ATP2B1: variants seen among roughly 807,000 people sequenced by gnomAD.
The protein encoded by ATP2B1 is plasma membrane calcium-transporting ATPase 1.
In ATP2B1, 14 loss-of-function variants were observed where a neutral mutation model predicts 124.2. The ratio of observed to expected loss-of-function variants is 0.11; its 90% CI spans 0.07 to 0.18. The LOEUF (loss-of-function observed/expected upper bound fraction) is 0.18, where lower values mean the gene tolerates loss of function less well. Among genes scored for constraint, ATP2B1 ranks in the 10% least tolerant of loss-of-function variants. The probability of loss-of-function intolerance (pLI) is 1.00; values close to 1 mark genes in which losing one functional copy is unlikely to be tolerated. For synonymous variants in ATP2B1, 449 were observed against 492.4 expected, an observed-to-expected ratio of 0.91 and a Z score of 1.17; for missense variants, 763 against 1,466.1, an observed-to-expected ratio of 0.52 and a Z score of 7.83.
intron 2 of ATP2B1, among the ~76,000 whole-genome samples, chr12:89,647,813 T>A (rs1884700091): frequency 6.6e-6 from 1 of 152,164 alleles, no homozygotes; most frequent in Admixed American, 6.5e-5. Context: ...TGGTTCAGCA[T>A]CATCCCCTTG....
In ATP2B1 at chr12:89,591,176, A is replaced by C. The variant is rs1167399411; in HGVS notation, c.3471T>G (p.Pro1157=). The change falls in exon 21 of 21, where the codon CCT becomes CCG. Residue 1157 remains proline, a synonymous_variant. Transcript: ENST00000428670. ...CAGTGTCATCAATAAGGGGGATATG[A>C]GGCTCTGAATCTTCTATCCTAAACT... ...HPEFRIEDSE[P]HIPLIDDTDA... is the part of the protein sequence containing the mutation. 6.2e-6 allele frequency: 10 copies of C among 1,613,206 alleles called. No homozygotes were observed. Among genetic ancestry groups the C allele is most frequent in the Non-Finnish European group, 8.5e-6 (10 of 1,179,414 alleles).
At chr12:89,646,781 A>G (rs1884510923) in intron 2 of ATP2B1, among the ~76,000 whole-genome samples, 1 of 152,238 alleles carries the variant, frequency 6.6e-6, no homozygotes, top group South Asian at 2.1e-4. Flanking sequence ...AGTGTGATCC[A>G]GTGGGCAGAA....
chr12:89,592,611 T>C (rs1873797977), intron 20 of ATP2B1, among the ~76,000 whole-genome samples: 1 of 152,022 alleles, frequency 6.6e-6, no homozygotes, highest in Admixed American at 6.6e-5. Context: ...AACTGAGAAA[T>C]ACAAAAGCAA....
intron 2 of ATP2B1, among the ~76,000 whole-genome samples, chr12:89,644,072 C>A (rs10777188): frequency 0.96 from 145,789 of 152,286 alleles, 69,827 homozygotes; most frequent in East Asian, 0.99. Flanking sequence ...CAGTGAGCCA[C>A]GATCACACCA....
At chr12:89,661,054 ATCT>A (rs1404937326) in intron 1 of ATP2B1, among the ~76,000 whole-genome samples, 1 of 152,172 alleles carries the variant, frequency 6.6e-6, no homozygotes, top group Non-Finnish European at 1.5e-5. Context: ...TTAAAAAAAA[ATCT>A]TCTAAAGATA....
intron 1 of ATP2B1, among the ~76,000 whole-genome samples, chr12:89,682,775 G>A (rs957011494): frequency 6.6e-6 from 1 of 152,106 alleles, no homozygotes; most frequent in African/African-American, 2.4e-5. Context: ...CTCTGTAATC[G>A]GAGTACAGGG....
intron 3 of ATP2B1, among the ~76,000 whole-genome samples, chr12:89,641,383 G>A (rs1257248233): frequency 6.6e-6 from 1 of 152,146 alleles, no homozygotes; most frequent in Non-Finnish European, 1.5e-5. Flanking sequence ...GGCCAAAAAT[G>A]TTTTAATTTT....
upstream of ATP2B1, chr12:89,709,162 T>A (rs1427853198): frequency 2.6e-5 from 4 of 151,040 alleles, no homozygotes; most frequent in African/African-American, 9.7e-5. Flanking sequence ...AGGGACCCCG[T>A]CTGCACCGGG....
At chr12:89,697,876 A>G (rs1891351521) in intron 1 of ATP2B1, among the ~76,000 whole-genome samples, 1 of 151,900 alleles carries the variant, frequency 6.6e-6, no homozygotes, top group African/African-American at 2.4e-5. Context: ...CTTCATATAT[A>G]TCTTTCCCCC....
Position 89,590,807 on chromosome 12 carries a change from T to G in ATP2B1, c.*177A>C, listed in dbSNP as rs1362396641. ...CCCACCCCCCAAAAAGCACCCTCAG[T>G]CTGGCAGAAAGCTTTGCTTTTTTTT... On this transcript the variant is annotated 3_prime_UTR_variant, in exon 21 of 21. Coordinates refer to ENST00000428670, the MANE Select transcript of ATP2B1 (RefSeq NM_001366521.1). 8.7e-6 allele frequency: 6 copies of G among 691,790 alleles called. No individual in the cohort carries two copies. Among genetic ancestry groups the G allele is most frequent in the Admixed American group, 6.2e-5 (2 of 32,292 alleles). 42.9% of individuals were successfully genotyped at this position (691,790 alleles called of 1,614,324 possible). A position where few individuals can be genotyped will look rare whatever the true frequency, so the allele number is the denominator to read the frequency against.
chr12:89,592,120 G>C (rs2135843923), intron 20 of ATP2B1, among the ~76,000 whole-genome samples: 1 of 151,992 alleles, frequency 6.6e-6, no homozygotes, highest in Non-Finnish European at 1.5e-5. Flanking sequence ...CTTCCTCTCA[G>C]TCTGCTGTAT....
chr12:89,693,745 T>G (rs1339290957), intron 1 of ATP2B1, among the ~76,000 whole-genome samples: 1 of 152,198 alleles, frequency 6.6e-6, no homozygotes, highest in African/African-American at 2.4e-5. Context: ...GTTATCAAAA[T>G]GTATTTAAAA....
At position 89,644,057 on chromosome 12, in the gene ATP2B1, G is replaced by C. The variant is rs545494003; in HGVS notation, c.209-1702C>G. Among the ~76,000 whole-genome samples, 41 of 152,280 alleles carry C rather than the reference G, an allele frequency of 2.7e-4. No individual in the cohort carries two copies. In the South Asian group the frequency reaches 8.5e-3, roughly 32 times the overall value. ...GAATCACTTGAACCCAGGAGGCTGA[G>C]GTTGCAGTGAGCCACGATCACACCA... is the stretch of plus-strand genomic sequence containing the variant. On this transcript the variant is annotated intron_variant, in intron 2 of 20. Coordinates refer to ENST00000428670, the MANE Select transcript of ATP2B1 (RefSeq NM_001366521.1).
At chr12:89,644,007 A>G (rs990329589) in intron 2 of ATP2B1, among the ~76,000 whole-genome samples, 3 of 152,200 alleles carry the variant, frequency 2.0e-5, no homozygotes, top group African/African-American at 4.8e-5. Context: ...CTGTAATCCC[A>G]GCTACTCAGG....
intron 2 of ATP2B1, among the ~76,000 whole-genome samples, chr12:89,645,811 G>A (rs1262241523): frequency 6.6e-6 from 1 of 152,208 alleles, no homozygotes; most frequent in Non-Finnish European, 1.5e-5. Context: ...TCACCTTAAA[G>A]TGCAATGAAA....
In ATP2B1 at chr12:89,689,978, T is replaced by C. The variant is rs572385452; in HGVS notation, c.-222+18618A>G. Among the ~76,000 whole-genome samples the C allele has an allele frequency of 1.8e-4, 27 of 152,218 alleles. No individual in the cohort carries two copies. In the South Asian group the frequency reaches 5.2e-3, roughly 29 times the overall value. On this transcript the variant is annotated intron_variant, in intron 1 of 20. Transcript: ENST00000428670. ...AATTCAACTTTTGAATAAATTCCTATCAATTGCTTTACTTTTCTATAGTTT... is the reference window on the plus strand; with the variant it reads ...AATTCAACTTTTGAATAAATTCCTACCAATTGCTTTACTTTTCTATAGTTT...
chr12:89,646,002 A>G (rs1255749970), intron 2 of ATP2B1, among the ~76,000 whole-genome samples: 1 of 152,194 alleles, frequency 6.6e-6, no homozygotes, highest in Non-Finnish European at 1.5e-5. Flanking sequence ...GAAGGGGATA[A>G]GTGGATTTGC....
chr12:89,615,922 G>A (rs959473882), intron 12 of ATP2B1, among the ~76,000 whole-genome samples: 1 of 137,098 alleles, frequency 7.3e-6, no homozygotes, highest in Non-Finnish European at 1.6e-5. Context: ...GTAATAATAT[G>A]CATACCTCAT....
chr12:89,655,984 T>A lies in ATP2B1; in HGVS notation c.-98A>T, dbSNP rs572093709. The stretch of plus-strand genomic sequence containing the variant: ...GAAAATCTTTTAAGTATGAAAATCT[T>A]TCTTAAACCAAACACTCATTGTATG... On this transcript the variant is annotated 5_prime_UTR_variant, in exon 2 of 21. Transcript: ENST00000428670. 32 of 1,270,556 alleles carry A rather than the reference T, an allele frequency of 2.5e-5. No homozygotes were observed. In the African/African-American group the frequency reaches 4.5e-4, roughly 18 times the overall value. 78.7% of individuals were successfully genotyped at this position (1,270,556 alleles called of 1,614,324 possible).
Sources: gnomAD v4.1 joint callset for allele counts (sites outside exome capture counted in the v4.1 genomes callset) on GRCh38, gnomAD v4.1.1 for gene constraint, MANE v1.5 for transcripts, NCBI Gene and HGNC (gene_info 2026-07-23, HGNC 2026-07-21) for gene names.